SYTL3: variants seen among roughly 807,000 people sequenced by gnomAD.
The protein encoded by SYTL3 is synaptotagmin-like protein 3.
In SYTL3, 88 loss-of-function variants were observed where a neutral mutation model predicts 82.1. The ratio of observed to expected loss-of-function variants is 1.07; its 90% CI spans 0.90 to 1.28. SYTL3 has a LOEUF of 1.28. SYTL3 is among the 50% of genes most tolerant of loss of function. The pLI, the probability that SYTL3 is intolerant of heterozygous loss-of-function variation, is 0.00. For synonymous variants in SYTL3, 311 were observed against 289.4 expected (o/e 1.07, Z -0.76); for missense variants, 831 against 757.6 (o/e 1.10, Z -1.14).
intron 5 of SYTL3, among the ~76,000 whole-genome samples, chr6:158,677,621 C>A (rs1053439324): frequency 7.0e-6 from 1 of 143,066 alleles, no homozygotes; most frequent in African/African-American, 2.6e-5. Flanking sequence ...GGAAGAATCA[C>A]TTGAACCCGG....
At chr6:158,760,539 A>G in intron 14 of SYTL3, 101 bp from the exon 15 acceptor site, 5 of 970,124 alleles carry the variant, frequency 5.2e-6, no homozygotes, top group Non-Finnish European at 8.3e-6. Context: ...TGCAGGGGCC[A>G]GGGGGAAGCA....
chr6:158,718,159 G>T lies in SYTL3; in HGVS notation c.668G>T (p.Gly223Val). Residue 223 changes from glycine (G) to valine (V), a missense_variant, in exon 10 of 18, where the codon GGA becomes GTA. By Grantham distance (109) the Gly-to-Val change is moderately radical. Coordinates refer to ENST00000611299, the MANE Select transcript of SYTL3 (RefSeq NM_001242394.2). ...LLATGPRQCVGQTERRSQSDT... is the reference protein window; with the variant it reads ...LLATGPRQCVVQTERRSQSDT... ...GCCACGGGCCCCAGGCAGTGTGTGG[G>T]ACAGACAGAGAGACGGAGCCAGTCT... The T allele has an allele frequency of 6.5e-7, 1 of 1,546,174 alleles. No homozygotes were observed.
chr6:158,734,504 G>T (rs1785879138), intron 11 of SYTL3, among the ~76,000 whole-genome samples: 1 of 152,070 alleles, frequency 6.6e-6, no homozygotes, highest in African/African-American at 2.4e-5. Context: ...CAGCTGCAGG[G>T]CCACTGACTG....
In SYTL3 at chr6:158,663,110, A is replaced by G. The variant is rs1789558198; in HGVS notation, c.-159A>G. The stretch of plus-strand genomic sequence containing the variant: ...AGGAGTATGACACAGTTAAAAAGGA[A>G]AAAAGAACCACAAGCAAAACAGTTG... On this transcript the variant is annotated 5_prime_UTR_variant, in exon 4 of 18. Coordinates refer to ENST00000611299, the MANE Select transcript of SYTL3 (RefSeq NM_001242394.2). The G allele has an allele frequency of 6.4e-6, 4 of 621,222 alleles. No individual in the cohort carries two copies. The highest frequency in any genetic ancestry group is 1.8e-5 in the African/African-American group (1 of 54,092). 38.5% of individuals were successfully genotyped at this position (621,222 alleles called of 1,614,324 possible).
chr6:158,677,532 C>T (rs1778188032), intron 5 of SYTL3, among the ~76,000 whole-genome samples: 1 of 151,200 alleles, frequency 6.6e-6, no homozygotes, highest in African/African-American at 2.4e-5. Flanking sequence ...CACATGTACC[C>T]TAAAACTTAT....
intron 6 of SYTL3, among the ~76,000 whole-genome samples, chr6:158,706,700 C>A (rs868052534): frequency 6.6e-6 from 1 of 152,166 alleles, no homozygotes; most frequent in Non-Finnish European, 1.5e-5. Context: ...ATAAAAACCT[C>A]TTTTCTTGAA....
intron 2 of SYTL3, among the ~76,000 whole-genome samples, chr6:158,656,172 C>T (rs1340756480): frequency 3.9e-5 from 6 of 152,216 alleles, no homozygotes; most frequent in African/African-American, 1.2e-4. Flanking sequence ...TGCCGTCTCT[C>T]ACCCTAGAGA....
intron 11 of SYTL3, among the ~76,000 whole-genome samples, chr6:158,732,243 T>C (rs1416575329): frequency 2.0e-5 from 3 of 152,136 alleles, no homozygotes; most frequent in Non-Finnish European, 4.4e-5. Flanking sequence ...AATTACTCCT[T>C]CTAGTTGTCA....
chr6:158,660,848 C>G (rs1476881352), intron 2 of SYTL3, among the ~76,000 whole-genome samples: 1 of 152,166 alleles, frequency 6.6e-6, no homozygotes, highest in Non-Finnish European at 1.5e-5. Flanking sequence ...AGGAGGACTG[C>G]TTGAGCCCAG....
chr6:158,691,405 T>G (rs1020300667), intron 6 of SYTL3, among the ~76,000 whole-genome samples: 2 of 152,116 alleles, frequency 1.3e-5, no homozygotes, highest in African/African-American at 2.4e-5. Flanking sequence ...TAATGTACTT[T>G]AAGTAAAGTA....
chr6:158,736,439 A>T (rs1326492022), intron 11 of SYTL3, among the ~76,000 whole-genome samples: 1 of 152,178 alleles, frequency 6.6e-6, no homozygotes, highest in Non-Finnish European at 1.5e-5. Context: ...AACTGTATAA[A>T]TTTCAAAATC....
rs562644059 is a variant in SYTL3, at chr6:158,656,553, A to G, written c.-637+4711A>G. Among the ~76,000 whole-genome samples, 5 of 152,164 alleles carry G rather than the reference A, an allele frequency of 3.3e-5. No homozygotes were observed. The East Asian group carries it at 5.8e-4, about 18-fold the overall frequency. On this transcript the variant is annotated intron_variant, in intron 2 of 17. Coordinates refer to ENST00000611299, the MANE Select transcript of SYTL3 (RefSeq NM_001242394.2). ...ATCCTGGCTGACACGGTGAAACCCC[A>G]TCTCTACTAAAAGTACAAAAAATTA...
chr6:158,705,846 G>A (rs56778284), intron 6 of SYTL3, among the ~76,000 whole-genome samples: 1,719 of 152,208 alleles, frequency 0.011, 47 homozygotes, highest in African/African-American at 0.039. Context: ...GTATATTGCC[G>A]CCCGCAGACT....
intron 3 of SYTL3, among the ~76,000 whole-genome samples, 153 bp from the exon 4 acceptor site, chr6:158,662,597 G>T (rs917790430): frequency 6.6e-6 from 1 of 152,214 alleles, no homozygotes; most frequent in East Asian, 1.9e-4. Flanking sequence ...AGAAATATGA[G>T]AAGTGTTATT....
Position 158,756,717 on chromosome 6 carries a change from AAATTTTTTT to A in SYTL3, c.1138-493_1138-485del, listed in dbSNP as rs1478473040. The stretch of plus-strand genomic sequence containing the variant: ...CAGAGCGAGATCCTGTCTCAAAAAA[AAATTTTTTT>A]TTTTTTTTTTTTTTTTTTTTTTAGT... On this transcript the variant is annotated intron_variant, in intron 13 of 17. Coordinates refer to ENST00000611299, the MANE Select transcript of SYTL3 (RefSeq NM_001242394.2). Among the ~76,000 whole-genome samples, 22 of 53,288 alleles carry A rather than the reference AAATTTTTTT, an allele frequency of 4.1e-4. No individual in the cohort carries two copies. The Middle Eastern group carries it at 0.043, about 103-fold the overall frequency. 35.0% of individuals were successfully genotyped at this position (53,288 alleles called of 152,430 possible). A position where few individuals can be genotyped will look rare whatever the true frequency, so the allele number is the denominator to read the frequency against.
At chr6:158,682,413 G>A (rs1429929139) in intron 5 of SYTL3, among the ~76,000 whole-genome samples, 9 of 140,398 alleles carry the variant, frequency 6.4e-5, no homozygotes, top group African/African-American at 2.4e-4. Context: ...AGGCTGGAGT[G>A]CAGTGGCGAA....
At chr6:158,722,448 A>G (rs1156356434) in intron 10 of SYTL3, among the ~76,000 whole-genome samples, 1 of 152,112 alleles carries the variant, frequency 6.6e-6, no homozygotes, top group African/African-American at 2.4e-5. Flanking sequence ...GTTAACTGAG[A>G]AAACAGCTCA....
intron 11 of SYTL3, among the ~76,000 whole-genome samples, chr6:158,735,707 G>A (rs548086460): frequency 6.6e-6 from 1 of 152,260 alleles, no homozygotes; most frequent in East Asian, 1.9e-4. Context: ...ACAACAAATA[G>A]GGAAAATCAT....
At chr6:158,757,512 C>T (rs1370878372) in intron 14 of SYTL3, 131 bp downstream of exon 14, 27 of 987,908 alleles carry the variant, frequency 2.7e-5, no homozygotes, top group Admixed American at 5.3e-5. Context: ...GCCGGCCTGG[C>T]GCTGTGACTT....
Sources: allele counts gnomAD v4.1 joint callset (sites outside exome capture counted in the v4.1 genomes callset), GRCh38; gene constraint gnomAD v4.1.1; transcripts MANE v1.5; gene names NCBI Gene and HGNC (gene_info 2026-07-23, HGNC 2026-07-21).